Variants in HSDL1 observed in about 807,000 individuals in gnomAD.
The protein encoded by HSDL1 is inactive hydroxysteroid dehydrogenase-like protein 1.
Under a neutral mutation model 31.5 loss-of-function variants are expected in HSDL1, and 29 were observed. The ratio of observed to expected loss-of-function variants is 0.92; its 90% CI spans 0.69 to 1.26. HSDL1 has a LOEUF of 1.26. HSDL1 is among the 50% of genes most tolerant of loss of function. HSDL1 has a pLI of 0.00. For missense variants in HSDL1, 503 were observed against 416.6 expected, an observed-to-expected ratio of 1.21 and a Z score of -1.81; for synonymous variants, 222 against 155.2, an observed-to-expected ratio of 1.43 and a Z score of -3.20.
intron 1 of HSDL1, among the ~76,000 whole-genome samples, chr16:84,137,032 A>G (rs1167292407): frequency 6.6e-6 from 1 of 152,242 alleles, no homozygotes; most frequent in African/African-American, 2.4e-5. Flanking sequence ...CGAGATCTAC[A>G]TGGAAAACCA....
chr16:84,143,609 C>T (rs947663024), intron 1 of HSDL1, among the ~76,000 whole-genome samples: 2 of 151,890 alleles, frequency 1.3e-5, no homozygotes, highest in Non-Finnish European at 2.9e-5. Flanking sequence ...TTATGTCATG[C>T]GTAAGTCATT....
intron 1 of HSDL1, among the ~76,000 whole-genome samples, chr16:84,137,264 C>T (rs535994325): frequency 6.6e-6 from 1 of 152,196 alleles, no homozygotes; most frequent in Non-Finnish European, 1.5e-5. Context: ...CTGGCCCGGG[C>T]CCATGGAGAA....
At chr16:84,131,060 C>T (rs184456655) in intron 3 of HSDL1, 42 bp downstream of exon 3, 260 of 1,487,886 alleles carry the variant, frequency 1.7e-4, no homozygotes, top group Admixed American at 1.1e-3. Flanking sequence ...ATAATGCATC[C>T]GACTTCACAG....
At chr16:84,137,329 G>A (rs756644964) in intron 1 of HSDL1, among the ~76,000 whole-genome samples, 9 of 152,208 alleles carry the variant, frequency 5.9e-5, no homozygotes, top group Admixed American at 2.0e-4. Flanking sequence ...GAAGTCCCCC[G>A]CATGCACAGC....
In HSDL1 at chr16:84,124,170, T is replaced by G. The variant is rs1443270733; in HGVS notation, c.*460A>C. 1.2e-5 allele frequency: 2 copies of G among 164,020 alleles called. No individual in the cohort carries two copies. Among genetic ancestry groups the G allele is most frequent in the Admixed American group, 5.8e-5 (1 of 17,108 alleles). 10.2% of individuals were successfully genotyped at this position (164,020 alleles called of 1,614,324 possible). ...CTATACAATACACACAGATTTTTCC[T>G]AATAGTACCAGCAATCTTAGTTACA... On this transcript the variant is annotated 3_prime_UTR_variant, in exon 6 of 6. Coordinates refer to ENST00000219439, the MANE Select transcript of HSDL1 (RefSeq NM_031463.5).
chr16:84,127,209 CTTTTTTT>C (rs71148881), intron 5 of HSDL1, among the ~76,000 whole-genome samples: 24 of 93,396 alleles, frequency 2.6e-4, no homozygotes, highest in Admixed American at 7.4e-4. Flanking sequence ...ACTGTTTCTT[CTTTTTTT>C]TTTTTTTTTT....
At position 84,129,662 on chromosome 16, in the gene HSDL1, G is replaced by C. The variant is rs1244223179; in HGVS notation, c.780C>G (p.Asn260Lys). 2 of 1,614,218 alleles carry C rather than the reference G, an allele frequency of 1.2e-6. No individual in the cohort carries two copies. The highest frequency in any genetic ancestry group is 1.7e-5 in the Admixed American group (1 of 60,022). ...CCAACCACGAGCACCTGTGCAGAAA[G>C]TTGCTGGGTGCTGTCATGCTGGTGG... ...YVATSMTAPS[N>K]FLHRCSWLVP... Residue 260 changes from asparagine (N) to lysine (K), a missense_variant, in exon 5 of 6, where the codon AAC (asparagine) becomes AAG (lysine). Coordinates refer to ENST00000219439, the MANE Select transcript of HSDL1 (RefSeq NM_031463.5).
chr16:84,137,743 T>A (rs1207678148), intron 1 of HSDL1, among the ~76,000 whole-genome samples: 4 of 152,256 alleles, frequency 2.6e-5, no homozygotes, highest in Admixed American at 2.6e-4. Flanking sequence ...ATTTTTCTCA[T>A]GACAAAAGAA....
intron 1 of HSDL1, among the ~76,000 whole-genome samples, chr16:84,139,537 G>A (rs749480014): frequency 3.3e-5 from 5 of 152,286 alleles, no homozygotes; most frequent in East Asian, 1.9e-4. Flanking sequence ...CTTGACTTTA[G>A]CGCAGTCACA....
At chr16:84,128,256 T>G (rs183279835) in intron 5 of HSDL1, among the ~76,000 whole-genome samples, 125 of 150,112 alleles carry the variant, frequency 8.3e-4, no homozygotes, top group African/African-American at 2.9e-3. Flanking sequence ...ACCATTACAC[T>G]CCAGCCTGGG....
At chr16:84,142,784 T>C (rs954072281) in intron 1 of HSDL1, among the ~76,000 whole-genome samples, 1 of 152,182 alleles carries the variant, frequency 6.6e-6, no homozygotes, top group African/African-American at 2.4e-5. Flanking sequence ...TGTAGACAAC[T>C]TTATTTAATA....
chr16:84,139,370 G>A (rs181299567), intron 1 of HSDL1: 3 of 152,482 alleles, frequency 2.0e-5, no homozygotes, highest in Admixed American at 6.5e-5. Flanking sequence ...AGAGGTCAGA[G>A]AGAGCTCGAG....
chr16:84,131,403 T>G, intron 2 of HSDL1, 76 bp from the exon 3 acceptor site: 1 of 1,001,684 alleles, frequency 1.0e-6, no homozygotes, highest in Non-Finnish European at 1.6e-6. Context: ...AGTGAAGACA[T>G]CCAGCTGAGG....
rs2151183309 is a variant in HSDL1 at position 84,124,742 on chromosome 16, AG to A, written c.895-15del. 6.3e-7 allele frequency: 1 copy of A among 1,594,438 alleles called. No individual in the cohort carries two copies. Among genetic ancestry groups the A allele is most frequent in the East Asian group, 2.2e-5 (1 of 44,758 alleles). On this transcript the variant is annotated splice_polypyrimidine_tract_variant and intron_variant, in intron 5 of 5. Transcript: ENST00000219439. ...TGCAAAAAGAAACTAAAAATGAAAG[AG>A]AAAAAGGTTGTAAGGTTAGAACCCA...
intron 5 of HSDL1, among the ~76,000 whole-genome samples, chr16:84,125,597 A>G (rs572149188): frequency 6.6e-6 from 1 of 152,248 alleles, no homozygotes. Context: ...AATACCCACC[A>G]ATCACATTAA....
intron 5 of HSDL1, among the ~76,000 whole-genome samples, chr16:84,126,156 C>G (rs999283852): frequency 1.3e-5 from 2 of 149,916 alleles, no homozygotes; most frequent in African/African-American, 4.9e-5. Context: ...TCAGTTGGAA[C>G]AGACAGACGC....
At chr16:84,134,831 A>G (rs565562622) in intron 2 of HSDL1, among the ~76,000 whole-genome samples, 2 of 152,352 alleles carry the variant, frequency 1.3e-5, no homozygotes, top group South Asian at 4.1e-4. Flanking sequence ...AAAATTGGGA[A>G]TAACAAGCTA....
In HSDL1 at chr16:84,129,535, A is replaced by G; in HGVS notation, c.894+13T>C. On this transcript the variant is annotated intron_variant, in intron 5 of 5. Transcript: ENST00000219439. Reference sequence around the variant, plus strand: ...GCATTAATCTAATTATGAGACCTGAAGCACACTCCTACCTGAATAGAATGG... The same window carrying G: ...GCATTAATCTAATTATGAGACCTGAGGCACACTCCTACCTGAATAGAATGG... 1 of 1,579,468 alleles carries G rather than the reference A, an allele frequency of 6.3e-7. No homozygotes were observed. Among genetic ancestry groups the G allele is most frequent in the Non-Finnish European group, 8.7e-7 (1 of 1,148,358 alleles).
At position 84,129,566 on chromosome 16, in the gene HSDL1, A is replaced by C; in HGVS notation, c.876T>G (p.Tyr292Ter). 6.2e-7 allele frequency: 1 copy of C among 1,612,642 alleles called. No individual in the cohort carries two copies. Among genetic ancestry groups the C allele is most frequent in the Non-Finnish European group, 8.5e-7 (1 of 1,178,608 alleles). Residue 292 changes from tyrosine (Y) to a stop codon, truncating the protein, a stop_gained, in exon 5 of 6, where the codon TAT becomes TAG. Coordinates refer to ENST00000219439, the MANE Select transcript of HSDL1 (RefSeq NM_031463.5). LOFTEE classifies it high-confidence loss of function. The stretch of plus-strand genomic sequence containing the variant: ...CTCCTACCTGAATAGAATGGGACCA[A>C]TATCCTGTGGTCCTTTTGGAAATCC... ...TLGISKRTTG[Y>*]WSHSIQFLFA...
Sources: gnomAD v4.1 joint callset for allele counts (sites outside exome capture counted in the v4.1 genomes callset) on GRCh38, gnomAD v4.1.1 for gene constraint, MANE v1.5 for transcripts, NCBI Gene and HGNC (gene_info 2026-07-23, HGNC 2026-07-21) for gene names.